MAD1L1: variants seen among roughly 807,000 people sequenced by gnomAD.
MAD1L1 encodes mitotic arrest deficient 1 like 1.
In MAD1L1, 95 loss-of-function variants were observed where a neutral mutation model predicts 96.9. The ratio of observed to expected loss-of-function variants is 0.98; its 90% confidence interval spans 0.83 to 1.16. The LOEUF (loss-of-function observed/expected upper bound fraction) is 1.16. MAD1L1 is among the 50% of genes most tolerant of loss of function. MAD1L1 has a pLI of 0.00. For synonymous variants in MAD1L1, 473 were observed against 396.6 expected (o/e 1.19, Z -2.29); for missense variants, 1,007 against 954.4 (o/e 1.06, Z -0.73).
intron 17 of MAD1L1, among the ~76,000 whole-genome samples, chr7:1,919,173 G>A (rs1788617982): frequency 6.6e-6 from 1 of 152,252 alleles, no homozygotes; most frequent in African/African-American, 2.4e-5. Flanking sequence ...ACCTGGGCCG[G>A]TGGTCCCGTT....
At chr7:2,008,771 A>AC (rs1554330854) in intron 13 of MAD1L1, among the ~76,000 whole-genome samples, 2 of 123,694 alleles carry the variant, frequency 1.6e-5, no homozygotes, top group East Asian at 2.3e-4. Context: ...CAGGAAGCTC[A>AC]GGGGGGGAAG....
chr7:1,926,079 G>A (rs1362796085), intron 17 of MAD1L1, among the ~76,000 whole-genome samples: 4 of 152,080 alleles, frequency 2.6e-5, no homozygotes, highest in Non-Finnish European at 4.4e-5. Context: ...AAGGAGTACC[G>A]CTACGAACCC....
intron 14 of MAD1L1, among the ~76,000 whole-genome samples, chr7:1,990,264 G>A (rs1781349932): frequency 1.3e-5 from 2 of 152,214 alleles, no homozygotes; most frequent in Non-Finnish European, 2.9e-5. Flanking sequence ...GCTGACTGGG[G>A]CAGAGGCTCC....
At position 2,144,007 on chromosome 7, in the gene MAD1L1, G is replaced by A. The variant is rs978057818; in HGVS notation, c.1073+5145C>T. Among the ~76,000 whole-genome samples the A allele has an allele frequency of 2.6e-5, 4 of 152,240 alleles. No homozygotes were observed. The East Asian group carries it at 7.7e-4, about 29-fold the overall frequency. ...CACCAGGCAGGATCCATGACCCAGG[G>A]TCTCTGCTGAGGCAGAGAAGCAAGG... is the stretch of plus-strand genomic sequence containing the variant. On this transcript the variant is annotated intron_variant, in intron 11 of 18. Coordinates refer to ENST00000265854, the MANE Select transcript of MAD1L1 (RefSeq NM_001013836.2).
intron 10 of MAD1L1, among the ~76,000 whole-genome samples, chr7:2,167,788 C>A (rs1359352447): frequency 6.6e-6 from 1 of 151,852 alleles, no homozygotes; most frequent in African/African-American, 2.4e-5. Flanking sequence ...GTAATCCCAG[C>A]ACTTTGGGAG....
intron 14 of MAD1L1, among the ~76,000 whole-genome samples, chr7:1,995,707 G>A (rs773366256): frequency 3.3e-5 from 5 of 152,140 alleles, no homozygotes; most frequent in Admixed American, 1.3e-4. Flanking sequence ...ACACCAGCGC[G>A]CGCGGGGACA....
At chr7:2,123,284 G>A (rs372578063) in intron 11 of MAD1L1, among the ~76,000 whole-genome samples, 17 of 134,972 alleles carry the variant, frequency 1.3e-4, no homozygotes, top group South Asian at 7.3e-4. Flanking sequence ...CAGCCTGGGC[G>A]ACAGAGCGAG....
At position 1,856,536 on chromosome 7, in the gene MAD1L1, T is replaced by C. The variant is rs112392126; in HGVS notation, c.1999-40308A>G. On this transcript the variant is annotated intron_variant, in intron 18 of 18. Transcript: ENST00000265854. ...CTGGCTACGAGCAGGTAATTTCTCA[T>C]TGGGGCCTGCTCGCTCTCTGCTTAT... 1.4e-3 allele frequency among the ~76,000 whole-genome samples: 209 copies of C among 152,338 alleles called. 1 individual carries two copies. Among genetic ancestry groups the C allele is most frequent in the African/African-American group, 4.4e-3 (185 of 41,592 alleles).
At chr7:1,998,306 G>A (rs778759969) in intron 14 of MAD1L1, among the ~76,000 whole-genome samples, 3 of 152,218 alleles carry the variant, frequency 2.0e-5, no homozygotes, top group South Asian at 4.1e-4. Context: ...GACAAGGGCC[G>A]ATGCCCGGGT....
At chr7:2,051,169 C>T (rs1186093255) in intron 12 of MAD1L1, among the ~76,000 whole-genome samples, 1 of 152,202 alleles carries the variant, frequency 6.6e-6, no homozygotes, top group Non-Finnish European at 1.5e-5. Context: ...CCAGCCCTTC[C>T]CAGACACCCT....
At chr7:2,210,100 T>A (rs1475567755) in intron 10 of MAD1L1, 2 of 152,232 alleles carry the variant, frequency 1.3e-5, no homozygotes, top group African/African-American at 2.4e-5. Context: ...GGTTTTTGTT[T>A]TTGTTTTTTA....
chr7:1,866,006 G>C (rs1437215226), intron 18 of MAD1L1, among the ~76,000 whole-genome samples: 2 of 152,244 alleles, frequency 1.3e-5, no homozygotes, highest in Non-Finnish European at 2.9e-5. Context: ...GGGTGGGGTG[G>C]TCCTGGGTCT....
chr7:1,854,072 G>A (rs1022313949), intron 18 of MAD1L1, among the ~76,000 whole-genome samples: 3 of 152,200 alleles, frequency 2.0e-5, no homozygotes, highest in East Asian at 1.9e-4. Flanking sequence ...GATCACGGGC[G>A]TCGGGTACAT....
chr7:1,911,357 C>T (rs1788004921), intron 17 of MAD1L1, among the ~76,000 whole-genome samples: 1 of 152,124 alleles, frequency 6.6e-6, no homozygotes, highest in Non-Finnish European at 1.5e-5. Context: ...ACGCAGAGCC[C>T]AGCTTCGGAA....
At chr7:2,156,364 C>G (rs1003490286) in intron 10 of MAD1L1, among the ~76,000 whole-genome samples, 14 of 152,166 alleles carry the variant, frequency 9.2e-5, no homozygotes, top group Admixed American at 2.6e-4. Context: ...ATGGCATGGA[C>G]CACCTGCACC....
intron 10 of MAD1L1, among the ~76,000 whole-genome samples, chr7:2,195,246 T>C (rs920192867): frequency 2.6e-5 from 4 of 152,224 alleles, no homozygotes; most frequent in African/African-American, 9.6e-5. Flanking sequence ...TAGCTACCAA[T>C]GACACTCTTT....
rs1488275742 is a variant in MAD1L1, at chr7:2,156,649, G to A, written c.987-7411C>T. On this transcript the variant is annotated intron_variant, in intron 10 of 18. Coordinates refer to ENST00000265854, the MANE Select transcript of MAD1L1 (RefSeq NM_001013836.2). Reference sequence around the variant, plus strand: ...AGCCTGGCCAACATGGTGAAACCCCGTCTCTACTAAAAATACAAAAAATTA... The same window carrying A: ...AGCCTGGCCAACATGGTGAAACCCCATCTCTACTAAAAATACAAAAAATTA... Among the ~76,000 whole-genome samples, 9 of 152,148 alleles carry A rather than the reference G, an allele frequency of 5.9e-5. No homozygotes were observed. The East Asian group carries it at 1.2e-3, about 20-fold the overall frequency.
In MAD1L1 at chr7:1,816,110, G is replaced by A. The variant is rs369199322; in HGVS notation, c.2117C>T (p.Ser706Leu). ...RQDSIPAFLS[S>L]LTLELFSRQT... is the part of the protein sequence containing the mutation. ...GCGGCTGAAGAGCTCGAGGGTGAGC[G>A]AGCTGAGGAAGGCAGGGATGCTGTC... Residue 706 changes from serine (S) to leucine (L), a missense_variant, in exon 19 of 19, where the codon TCG (serine) becomes TTG (leucine). Ser to Leu is a moderately radical substitution (Grantham distance 145). Transcript: ENST00000265854. The A allele has an allele frequency of 7.1e-5, 115 of 1,612,502 alleles. No individual in the cohort carries two copies. Among genetic ancestry groups the A allele is most frequent in the South Asian group, 9.9e-5 (9 of 91,030 alleles).
intron 17 of MAD1L1, among the ~76,000 whole-genome samples, chr7:1,903,087 C>T (rs1787359638): frequency 6.6e-6 from 1 of 151,376 alleles, no homozygotes; most frequent in African/African-American, 2.4e-5. Context: ...ATTAATGAAG[C>T]ACTGTTCCAG....
Sources: allele counts gnomAD v4.1 joint callset (sites outside exome capture counted in the v4.1 genomes callset), GRCh38; gene constraint gnomAD v4.1.1; transcripts MANE v1.5; gene names NCBI Gene and HGNC (gene_info 2026-07-23, HGNC 2026-07-21).